Variants in GABRB3 observed in about 807,000 individuals in gnomAD.
GABRB3 encodes gamma-aminobutyric acid type A receptor subunit beta3, also known as gamma-aminobutyric acid receptor subunit beta-3.
Under a neutral mutation model 52.1 loss-of-function variants are expected in GABRB3, and 14 were observed. That is an observed-to-expected ratio of 0.27 (90% CI 0.18 to 0.42). The LOEUF (loss-of-function observed/expected upper bound fraction) is 0.42. Ranked by LOEUF, GABRB3 falls within the 10% of genes least tolerant of loss-of-function variation. GABRB3 has a pLI of 1.00. For missense variants in GABRB3, 307 were observed against 609.1 expected, an observed-to-expected ratio of 0.50 and a Z score of 5.22; for synonymous variants, 260 against 232.3, an observed-to-expected ratio of 1.12 and a Z score of -1.08.
intron 3 of GABRB3, among the ~76,000 whole-genome samples, chr15:26,693,055 G>A (rs1888634391): frequency 6.6e-6 from 1 of 152,120 alleles, no homozygotes; most frequent in South Asian, 2.1e-4. Context: ...CCGCTCCCAG[G>A]CTCAGACGTC....
At chr15:26,696,007 G>A (rs1021483212) in intron 3 of GABRB3, among the ~76,000 whole-genome samples, 5 of 152,178 alleles carry the variant, frequency 3.3e-5, no homozygotes, top group Non-Finnish European at 5.9e-5. Flanking sequence ...TTCTACATGG[G>A]GAACCATGAA....
intron 3 of GABRB3, among the ~76,000 whole-genome samples, chr15:26,661,694 C>T (rs1015788992): frequency 6.6e-6 from 1 of 152,010 alleles, no homozygotes; most frequent in Non-Finnish European, 1.5e-5. Context: ...GAGTGGGGAT[C>T]GGAAGGGGTC....
chr15:26,570,122 C>T (rs866107123), intron 6 of GABRB3, among the ~76,000 whole-genome samples: 1 of 152,304 alleles, frequency 6.6e-6, no homozygotes, highest in Middle Eastern at 3.4e-3. Context: ...TTCACTTTTT[C>T]CCTTGTGATT....
At chr15:26,694,872 T>C (rs561471446) in intron 3 of GABRB3, among the ~76,000 whole-genome samples, 81 of 152,086 alleles carry the variant, frequency 5.3e-4, no homozygotes, top group Middle Eastern at 6.8e-3. Context: ...TAAATAAGGA[T>C]TGAAAGAAAA....
At chr15:26,624,131 G>GGA (rs1892591450) in intron 3 of GABRB3, 1 of 937,230 alleles carries the variant, frequency 1.1e-6, no homozygotes, top group Non-Finnish European at 1.3e-6. Flanking sequence ...AAAGGTTCTC[G>GGA]GACACTGGGC....
At chr15:26,670,946 T>A (rs947174075) in intron 3 of GABRB3, among the ~76,000 whole-genome samples, 1 of 152,196 alleles carries the variant, frequency 6.6e-6, no homozygotes, top group Non-Finnish European at 1.5e-5. Flanking sequence ...TGGAGTGCAG[T>A]GGCACAATTA....
chr15:26,617,938 C>T (rs1233747262), intron 4 of GABRB3, among the ~76,000 whole-genome samples: 10 of 151,842 alleles, frequency 6.6e-5, no homozygotes, highest in African/African-American at 2.2e-4. Flanking sequence ...GAATAAAACA[C>T]CTAGGAATCC....
At chr15:26,664,704 GTTT>G (rs1162139952) in intron 3 of GABRB3, among the ~76,000 whole-genome samples, 4 of 95,200 alleles carry the variant, frequency 4.2e-5, no homozygotes, top group African/African-American at 4.2e-5. Context: ...TCTTTTCTTT[GTTT>G]TTTTTTTTTT....
At chr15:26,745,794 T>A (rs534730731) in intron 3 of GABRB3, among the ~76,000 whole-genome samples, 1 of 152,366 alleles carries the variant, frequency 6.6e-6, no homozygotes, top group Non-Finnish European at 1.5e-5. Context: ...AGCAATAGTT[T>A]CTTTCTGTTG....
chr15:26,739,151 G>A (rs537134214), intron 3 of GABRB3, among the ~76,000 whole-genome samples: 1 of 152,228 alleles, frequency 6.6e-6, no homozygotes, highest in Non-Finnish European at 1.5e-5. Context: ...GACACTGGGA[G>A]GCGGATAGGG....
chr15:26,591,465 A>C (rs2140758474), intron 4 of GABRB3, among the ~76,000 whole-genome samples: 1 of 152,332 alleles, frequency 6.6e-6, no homozygotes, highest in Admixed American at 6.5e-5. Flanking sequence ...GAGTAGTCCC[A>C]TCAGGCAAAT....
chr15:26,554,106 GTA>G (rs59076608), intron 8 of GABRB3, among the ~76,000 whole-genome samples: 2,059 of 64,828 alleles, frequency 0.032, 241 homozygotes, highest in African/African-American at 0.12. Context: ...TAAAGTGTGT[GTA>G]TATATATAAA....
chr15:26,684,139 A>C (rs974836820), intron 3 of GABRB3, among the ~76,000 whole-genome samples: 1 of 152,220 alleles, frequency 6.6e-6, no homozygotes, highest in South Asian at 2.1e-4. Flanking sequence ...TCATTTTGCA[A>C]CCTAGGAAGT....
Position 26,575,162 on chromosome 15 carries a change from T to C in GABRB3, c.682+5157A>G, listed in dbSNP as rs192510596. 2.6e-5 allele frequency among the ~76,000 whole-genome samples: 4 copies of C among 152,318 alleles called. No homozygotes were observed. The East Asian group carries it at 5.8e-4, about 22-fold the overall frequency. Reference sequence around the variant, plus strand: ...AAAGGATGAAGGTAGTTAAAAACTCTTTTTGCAAAAAAGATTTAAGGCAAT... The same window carrying C: ...AAAGGATGAAGGTAGTTAAAAACTCCTTTTGCAAAAAAGATTTAAGGCAAT... On this transcript the variant is annotated intron_variant, in intron 6 of 8. Coordinates refer to ENST00000311550, the MANE Select transcript of GABRB3 (RefSeq NM_000814.6).
intron 3 of GABRB3, among the ~76,000 whole-genome samples, chr15:26,768,806 T>A (rs3212332): frequency 0.92 from 138,290 of 150,900 alleles, 63,404 homozygotes; most frequent in East Asian, 1. Flanking sequence ...AACTAATTTT[T>A]AAAAAAAAAG....
chr15:26,652,105 C>T (rs1478767658), intron 3 of GABRB3, among the ~76,000 whole-genome samples: 1 of 152,178 alleles, frequency 6.6e-6, no homozygotes, highest in African/African-American at 2.4e-5. Flanking sequence ...GCCCCACAAC[C>T]CCCTTATCTT....
intron 3 of GABRB3, among the ~76,000 whole-genome samples, chr15:26,752,032 A>AT (rs1890524625): frequency 6.6e-6 from 1 of 152,096 alleles, no homozygotes. Context: ...GCTTTAAAAC[A>AT]TTTTTTAAAA....
chr15:26,637,829 C>A (rs531834775), intron 3 of GABRB3, among the ~76,000 whole-genome samples: 1 of 152,134 alleles, frequency 6.6e-6, no homozygotes, highest in African/African-American at 2.4e-5. Flanking sequence ...TACTGTGTAC[C>A]CCTTTGATTG....
chr15:26,746,587 T>G (rs552966535), intron 3 of GABRB3, among the ~76,000 whole-genome samples: 6 of 152,016 alleles, frequency 3.9e-5, no homozygotes, highest in South Asian at 2.1e-4. Context: ...TTTTTGTTTT[T>G]TTTTTTTTTT....
Sources: allele counts gnomAD v4.1 joint callset (sites outside exome capture counted in the v4.1 genomes callset), GRCh38; gene constraint gnomAD v4.1.1; transcripts MANE v1.5; gene names NCBI Gene and HGNC (gene_info 2026-07-23, HGNC 2026-07-21).